Variants in OSBPL5 observed in about 807,000 individuals in gnomAD.
OSBPL5 encodes oxysterol-binding protein-related protein 5.
In OSBPL5, 71 loss-of-function variants were observed where a neutral mutation model predicts 111.2. The observed-to-expected ratio is 0.64, with a 90% CI of 0.53 to 0.78. The LOEUF is 0.78. Ranked by LOEUF, OSBPL5 falls within the 30% of genes least tolerant of loss-of-function variation. The pLI, the probability that OSBPL5 is intolerant of heterozygous loss-of-function variation, is 0.00. For synonymous variants in OSBPL5, 549 were observed against 513.9 expected, an observed-to-expected ratio of 1.07 and a Z score of -0.93; for missense variants, 1,210 against 1,189.3, an observed-to-expected ratio of 1.02 and a Z score of -0.26.
chr11:3,104,215 A>T lies in OSBPL5; in HGVS notation c.1222T>A (p.Tyr408Asn). 6.2e-7 allele frequency: 1 copy of T among 1,611,322 alleles called. No homozygotes were observed. The highest frequency in any genetic ancestry group is 8.5e-7 in the Non-Finnish European group (1 of 1,177,992). Reference protein sequence around the residue: ...SFLNKLSDYYYHADLLSRAAV... With the variant: ...SFLNKLSDYYNHADLLSRAAV... ...CACCTGGAGAGCAGGTCTGCGTGGT[A>T]GTAGTAGTCGGAGAGCTTGTTCAGG... Residue 408 changes from tyrosine (Y) to asparagine (N), a missense_variant, in exon 10 of 22, where the codon TAC becomes AAC. By Grantham distance (143) the Tyr-to-Asn change is moderately radical (BLOSUM62 -2). Coordinates refer to ENST00000263650, the MANE Select transcript of OSBPL5 (RefSeq NM_020896.4). The surrounding 1 kb of genome is among the most constrained non-coding windows in gnomAD (Gnocchi z 5.0).
rs1231739027 is a variant in OSBPL5 at position 3,089,893 on chromosome 11, C to A, written c.2454G>T (p.Leu818=). 3 of 1,565,676 alleles carry A rather than the reference C, an allele frequency of 1.9e-6. No homozygotes were observed. The highest frequency in any genetic ancestry group is 2.3e-5 in the South Asian group (2 of 85,150). The part of the protein sequence containing the change: ...CRKEARRLQA[L]HEAILSIREA... ...CTCGGATGGAGAGGATGGCCTCGTG[C>A]AGGGCCTGCAGCCGCCGCGCCTCCT... is the stretch of plus-strand genomic sequence containing the variant. Residue 818 remains leucine, a synonymous_variant, in exon 21 of 22, where the codon CTG becomes CTT. Coordinates refer to ENST00000263650, the MANE Select transcript of OSBPL5 (RefSeq NM_020896.4).
chr11:3,090,549 G>T lies in OSBPL5; in HGVS notation c.2398+9C>A. The T allele has an allele frequency of 1.2e-6, 2 of 1,611,776 alleles. No homozygotes were observed. The highest frequency in any genetic ancestry group is 3.3e-5 in the Admixed American group (2 of 59,990). On this transcript the variant is annotated intron_variant, in intron 20 of 21. Transcript: ENST00000263650. ...CAGAGGCCTTGGGGCTGGGCCCAAG[G>T]GGGCTCACCAGGGACAAAGTCACCA...
chr11:3,107,294 T>C lies in OSBPL5; in HGVS notation c.1028A>G (p.Tyr343Cys). Residue 343 changes from tyrosine to cysteine, a missense_variant, in exon 9 of 22, where the codon TAT becomes TGT. Coordinates refer to ENST00000263650, the MANE Select transcript of OSBPL5 (RefSeq NM_020896.4). This position sits in a 1 kb window ranked among gnomAD's most constrained non-coding sequence, Gnocchi z 6.1. ...CAGCTCCTCCTGGACCTGCTCCACA[T>C]AGGTGGTCCCTCTCCGCACCGGGGC... is the stretch of plus-strand genomic sequence containing the variant. Reference protein sequence around the residue: ...PGAPVRRGTTYVEQVQEELGE... With the variant: ...PGAPVRRGTTCVEQVQEELGE... 1 of 1,613,488 alleles carries C rather than the reference T, an allele frequency of 6.2e-7. No homozygotes were observed. Among genetic ancestry groups the C allele is most frequent in the Non-Finnish European group, 8.5e-7 (1 of 1,179,914 alleles).
At chr11:3,112,012 CGCATGTGTGT>C (rs1564837230) in intron 7 of OSBPL5, among the ~76,000 whole-genome samples, 3 of 114,120 alleles carry the variant, frequency 2.6e-5, no homozygotes, top group Non-Finnish European at 5.9e-5. Flanking sequence ...TGTGTGTGCG[CGCATGTGTGT>C]GCATGTGTGT....
chr11:3,107,909 C>T lies in OSBPL5; in HGVS notation c.728G>A (p.Arg243His), dbSNP rs373421505. The T allele has an allele frequency of 1.7e-5, 27 of 1,602,502 alleles. No homozygotes were observed. Among genetic ancestry groups the T allele is most frequent in the African/African-American group, 5.3e-5 (4 of 75,046 alleles). ...GCCCAGTCTCAGTAGGCTAGAGCAG[C>T]GCAGGGCCAGCTCCAGGGCGTCCAG... ...CWLDALELAL[R>H]CSSLLRLGTC... The change falls in exon 8 of 22, where the codon CGC becomes CAC. Residue 243 changes from arginine (R) to histidine (H), a missense_variant. Coordinates refer to ENST00000263650, the MANE Select transcript of OSBPL5 (RefSeq NM_020896.4). The surrounding 1 kb of genome is among the most constrained non-coding windows in gnomAD (Gnocchi z 6.1).
In OSBPL5 at chr11:3,093,663, C is replaced by A; in HGVS notation, c.1810G>T (p.Asp604Tyr). 3 of 1,613,282 alleles carry A rather than the reference C, an allele frequency of 1.9e-6. No individual in the cohort carries two copies. Among genetic ancestry groups the A allele is most frequent in the Non-Finnish European group, 2.5e-6 (3 of 1,179,960 alleles). The part of the protein sequence containing the change: ...EVLASLSGHW[D>Y]RDVFIKEEGS... Reference sequence around the variant, plus strand: ...TCCTCCTTGATAAACACGTCCCTGTCCTGCCCCAGATGGCCAGCGGGGTCA... The same window carrying A: ...TCCTCCTTGATAAACACGTCCCTGTACTGCCCCAGATGGCCAGCGGGGTCA... The change falls in exon 17 of 22, where the codon GAC becomes TAC. Residue 604 changes from aspartate (D) to tyrosine (Y), a missense_variant and splice_region_variant. Physicochemically the swap from Asp to Tyr is radical, Grantham distance 160. Coordinates refer to ENST00000263650, the MANE Select transcript of OSBPL5 (RefSeq NM_020896.4).
In OSBPL5 at chr11:3,130,803, A is replaced by G. The variant is rs1293378611; in HGVS notation, c.-21-1634T>C. On this transcript the variant is annotated intron_variant, in intron 1 of 21. Coordinates refer to ENST00000263650, the MANE Select transcript of OSBPL5 (RefSeq NM_020896.4). This position sits in a 1 kb window ranked among gnomAD's most constrained non-coding sequence, Gnocchi z 4.5. ...GCCAACCTGCCGCAGGGAAGCAGGC[A>G]GATGGGAAGTCCTGCCCCTACTTGT... Among the ~76,000 whole-genome samples the G allele has an allele frequency of 6.6e-6, 1 of 152,224 alleles. No individual in the cohort carries two copies. The highest frequency in any genetic ancestry group is 1.5e-5 in the Non-Finnish European group (1 of 68,024).
chr11:3,140,001 C>T lies in OSBPL5; in HGVS notation c.-21-10832G>A, dbSNP rs940878676. ...GAGGTGCCCCCCCTGCTCTGAGAAG[C>T]CAGCCTCACAAGATCATTCATCGCA... is the stretch of plus-strand genomic sequence containing the variant. On this transcript the variant is annotated intron_variant, in intron 1 of 21. Coordinates refer to ENST00000263650, the MANE Select transcript of OSBPL5 (RefSeq NM_020896.4). The surrounding 1 kb of genome is among the most constrained non-coding windows in gnomAD (Gnocchi z 4.5). Among the ~76,000 whole-genome samples the T allele has an allele frequency of 1.3e-5, 2 of 152,214 alleles. No homozygotes were observed. Among genetic ancestry groups the T allele is most frequent in the African/African-American group, 4.8e-5 (2 of 41,454 alleles).
At chr11:3,143,419 T>C (rs1033800040) in intron 1 of OSBPL5, among the ~76,000 whole-genome samples, 8 of 152,170 alleles carry the variant, frequency 5.3e-5, no homozygotes, top group African/African-American at 1.9e-4. Flanking sequence ...CCCAGCAGCA[T>C]GGCTCAGGGC....
chr11:3,126,318 C>T lies in OSBPL5; in HGVS notation c.219+155G>A, dbSNP rs1858622633. On this transcript the variant is annotated intron_variant, in intron 3 of 21. Transcript: ENST00000263650. This position sits in a 1 kb window ranked among gnomAD's most constrained non-coding sequence, Gnocchi z 6.5. ...CCCAAATATCCACCAGCAGCCCTCCCGGAGCAGCACAGTCTAGGATTGGGA... is the reference window on the plus strand; with the variant it reads ...CCCAAATATCCACCAGCAGCCCTCCTGGAGCAGCACAGTCTAGGATTGGGA... Among the ~76,000 whole-genome samples the T allele has an allele frequency of 1.3e-5, 2 of 152,154 alleles. No individual in the cohort carries two copies. The highest frequency in any genetic ancestry group is 6.5e-5 in the Admixed American group (1 of 15,278).
In OSBPL5 at chr11:3,130,388, C is replaced by A. The variant is rs527502891; in HGVS notation, c.-21-1219G>T. On this transcript the variant is annotated intron_variant, in intron 1 of 21. Transcript: ENST00000263650. This position sits in a 1 kb window ranked among gnomAD's most constrained non-coding sequence, Gnocchi z 4.5. ...CCGGGACAAAGGCCTCGATTTCTCC[C>A]ATGGTCCTGGGCTTTGCTGGGGGGG... Among the ~76,000 whole-genome samples, 1 of 151,890 alleles carries A rather than the reference C, an allele frequency of 6.6e-6. No individual in the cohort carries two copies. The highest frequency in any genetic ancestry group is 2.4e-5 in the African/African-American group (1 of 41,422).
chr11:3,108,090 G>A (rs1857777176), intron 7 of OSBPL5, 145 bp from the exon 8 acceptor site: 3 of 1,026,878 alleles, frequency 2.9e-6, no homozygotes, highest in Non-Finnish European at 2.8e-6. Context: ...CCCTGCCCCA[G>A]CAGGGACATG....
chr11:3,153,579 A>G (rs903946595), intron 1 of OSBPL5, among the ~76,000 whole-genome samples: 2 of 152,254 alleles, frequency 1.3e-5, no homozygotes, highest in African/African-American at 4.8e-5. Flanking sequence ...GCTGAGGCCC[A>G]GGAATAATGA....
rs536889030 is a variant in OSBPL5 at position 3,107,032 on chromosome 11, C to G, written c.1059+231G>C. On this transcript the variant is annotated intron_variant, in intron 9 of 21. Transcript: ENST00000263650. The surrounding 1 kb of genome is among the most constrained non-coding windows in gnomAD (Gnocchi z 6.1). ...CTGCAGCAAACCCCTGCCCGATCCC[C>G]GCATCTGCATGCCAGCCAGCCAGCC... Among the ~76,000 whole-genome samples, 1 of 151,506 alleles carries G rather than the reference C, an allele frequency of 6.6e-6. No homozygotes were observed. Among genetic ancestry groups the G allele is most frequent in the Non-Finnish European group, 1.5e-5 (1 of 67,906 alleles).
At chr11:3,147,653 AC>A (rs1436199608) in intron 1 of OSBPL5, among the ~76,000 whole-genome samples, 2 of 151,958 alleles carry the variant, frequency 1.3e-5, no homozygotes, top group African/African-American at 4.8e-5. Flanking sequence ...TGGGACTAAA[AC>A]CCCCTGTAAT....
chr11:3,147,653 A>C (rs1031623134), intron 1 of OSBPL5, among the ~76,000 whole-genome samples: 1 of 151,958 alleles, frequency 6.6e-6, no homozygotes, highest in Non-Finnish European at 1.5e-5. Context: ...TGGGACTAAA[A>C]CCCCCTGTAA....
chr11:3,160,247 G>A (rs1290996398), intron 1 of OSBPL5, among the ~76,000 whole-genome samples: 1 of 152,176 alleles, frequency 6.6e-6, no homozygotes, highest in Non-Finnish European at 1.5e-5. Flanking sequence ...GGCCAATGTG[G>A]GGAGCCTCCC....
At chr11:3,098,548 C>G (rs920586758) in intron 14 of OSBPL5, among the ~76,000 whole-genome samples, 2 of 135,250 alleles carry the variant, frequency 1.5e-5, no homozygotes, top group African/African-American at 5.9e-5. Flanking sequence ...TCTTGTTGCC[C>G]AGGCTGGAGT....
intron 21 of OSBPL5, among the ~76,000 whole-genome samples, chr11:3,089,449 C>T (rs1171091989): frequency 6.6e-6 from 1 of 152,186 alleles, no homozygotes; most frequent in Non-Finnish European, 1.5e-5. Context: ...GCTCCTTCCC[C>T]AGCCATTCCT....
Sources: gnomAD v4.1 joint callset for allele counts (sites outside exome capture counted in the v4.1 genomes callset) on GRCh38, gnomAD v4.1.1 for gene constraint, Gnocchi (gnomAD v3.1) non-coding constraint, MANE v1.5 for transcripts, NCBI Gene and HGNC (gene_info 2026-07-23, HGNC 2026-07-21) for gene names.